The following LHCGR variants were observed in gnomAD, a reference collection of about 807,000 sequenced individuals.
LHCGR encodes the protein lutropin-choriogonadotropic hormone receptor.
A neutral mutation model predicts 60.7 loss-of-function variants in LHCGR; 55 were observed. The observed-to-expected ratio is 0.91, with a 90% CI of 0.73 to 1.13. The LOEUF (loss-of-function observed/expected upper bound fraction) is 1.13. Among genes scored for constraint, LHCGR ranks in the 50% most tolerant of loss-of-function variants. The pLI is 0.00. For missense variants in LHCGR, 862 were observed against 836.0 expected (o/e 1.03, Z -0.38); for synonymous variants, 337 against 316.5 (o/e 1.06, Z -0.69).
chr2:48,709,420 G>T (rs989164602), intron 7 of LHCGR, among the ~76,000 whole-genome samples: 1 of 152,214 alleles, frequency 6.6e-6, no homozygotes, highest in Non-Finnish European at 1.5e-5. Flanking sequence ...CATTGTGACC[G>T]TGGAGGTCTC....
chr2:48,737,579 C>G (rs1669256591), intron 1 of LHCGR, among the ~76,000 whole-genome samples: 1 of 152,166 alleles, frequency 6.6e-6, no homozygotes, highest in Non-Finnish European at 1.5e-5. Context: ...TTTGAGCTGT[C>G]AAAGGCATCG....
At chr2:48,749,545 G>A (rs960699002) in intron 1 of LHCGR, among the ~76,000 whole-genome samples, 20 of 151,986 alleles carry the variant, frequency 1.3e-4, no homozygotes, top group Admixed American at 3.9e-4. Context: ...AATTACACAT[G>A]GCCAAGACAA....
chr2:48,731,561 G>C (rs1014133492), intron 1 of LHCGR, among the ~76,000 whole-genome samples: 1 of 152,162 alleles, frequency 6.6e-6, no homozygotes, highest in Non-Finnish European at 1.5e-5. Context: ...AATCTTCGCT[G>C]TCCCACTACT....
Position 48,688,614 on chromosome 2 carries a change from G to A in LHCGR, c.1183C>T (p.Arg395Cys). 2 of 1,614,166 alleles carry A rather than the reference G, an allele frequency of 1.2e-6. No homozygotes were observed. Among genetic ancestry groups the A allele is most frequent in the Non-Finnish European group, 1.7e-6 (2 of 1,180,032 alleles). The change falls in exon 11 of 11, where the codon CGT becomes TGT. Residue 395 changes from arginine (R) to cysteine (C), a missense_variant. Transcript: ENST00000294954. This position sits in a 1 kb window ranked among gnomAD's most constrained non-coding sequence, Gnocchi z 5.2. Reference protein sequence around the residue: ...LTSRYKLTVPRFLMCNLSFAD... With the variant: ...LTSRYKLTVPCFLMCNLSFAD... ...AAGGAGAGATTGCACATGAGAAAAC[G>A]AGGCACTGTAAGTTTGTAACGACTT... is the stretch of plus-strand genomic sequence containing the variant.
chr2:48,753,731 G>A (rs1424142484), intron 1 of LHCGR, among the ~76,000 whole-genome samples: 1 of 152,130 alleles, frequency 6.6e-6, no homozygotes, highest in East Asian at 1.9e-4. Flanking sequence ...GAATTGAAAA[G>A]GAACTGGGAC....
chr2:48,731,533 T>G (rs1000479524), intron 1 of LHCGR, among the ~76,000 whole-genome samples: 10 of 152,174 alleles, frequency 6.6e-5, no homozygotes, highest in Non-Finnish European at 1.5e-4. Context: ...ACGTTGAGAT[T>G]AGGCATACCT....
chr2:48,751,993 T>C (rs908771653), intron 1 of LHCGR, among the ~76,000 whole-genome samples: 5 of 152,224 alleles, frequency 3.3e-5, no homozygotes, highest in African/African-American at 4.8e-5. Context: ...TATATAGCCA[T>C]GGGCAAGGTG....
intron 6 of LHCGR, among the ~76,000 whole-genome samples, chr2:48,719,412 G>C (rs940194995): frequency 6.6e-6 from 1 of 152,136 alleles, no homozygotes; most frequent in Non-Finnish European, 1.5e-5. Context: ...TGCCTTTCCA[G>C]ACATCACTTC....
chr2:48,740,034 G>A (rs191003491), intron 1 of LHCGR, among the ~76,000 whole-genome samples: 83 of 152,320 alleles, frequency 5.4e-4, no homozygotes, highest in African/African-American at 1.2e-3. Flanking sequence ...CTCGGGAAGC[G>A]CGAGGGGTCA....
intron 1 of LHCGR, among the ~76,000 whole-genome samples, chr2:48,748,641 A>G (rs1669813548): frequency 6.6e-6 from 1 of 152,198 alleles, no homozygotes; most frequent in African/African-American, 2.4e-5. Context: ...TTACTGTTCA[A>G]CCTCACATAT....
intron 8 of LHCGR, among the ~76,000 whole-genome samples, chr2:48,699,374 C>T (rs1199340569): frequency 1.3e-5 from 2 of 152,042 alleles, no homozygotes; most frequent in African/African-American, 4.8e-5. Context: ...TCCCCTCTTC[C>T]AACTCCTTTT....
chr2:48,743,694 C>A (rs1246037448), intron 1 of LHCGR, among the ~76,000 whole-genome samples: 2 of 152,120 alleles, frequency 1.3e-5, no homozygotes, highest in African/African-American at 4.8e-5. Flanking sequence ...GGACGTATCT[C>A]AAAATAATAA....
intron 1 of LHCGR, among the ~76,000 whole-genome samples, chr2:48,754,792 A>G (rs952952057): frequency 2.6e-5 from 4 of 152,174 alleles, no homozygotes; most frequent in Non-Finnish European, 5.9e-5. Context: ...GTCTAGTACT[A>G]AAGGCTCCCC....
chr2:48,714,289 C>T lies in LHCGR; in HGVS notation c.537-235G>A, dbSNP rs4953616. Among the ~76,000 whole-genome samples the T allele has an allele frequency of 0.7, 105,872 of 151,978 alleles. 37,162 individuals carry two copies. The highest frequency in any genetic ancestry group is 0.77 in the East Asian group (4,002 of 5,182). On this transcript the variant is annotated intron_variant, in intron 6 of 10. Coordinates refer to ENST00000294954, the MANE Select transcript of LHCGR (RefSeq NM_000233.4). ...ATCCTCATCATCATTTCCATTATAC[C>T]GACAAGAAGCCTAACCCTCAGTGTG... is the stretch of plus-strand genomic sequence containing the variant.
chr2:48,739,556 A>C (rs1029127960), intron 1 of LHCGR, among the ~76,000 whole-genome samples: 1 of 152,132 alleles, frequency 6.6e-6, no homozygotes, highest in Non-Finnish European at 1.5e-5. Flanking sequence ...GCAAACTATC[A>C]CAAGGACAAA....
At chr2:48,726,342 C>A (rs1194024970) in intron 3 of LHCGR, among the ~76,000 whole-genome samples, 1 of 152,204 alleles carries the variant, frequency 6.6e-6, no homozygotes, top group Non-Finnish European at 1.5e-5. Context: ...GCTAGTGTCT[C>A]TTCTGTAAAA....
At chr2:48,708,330 C>A (rs1258043537) in intron 8 of LHCGR, among the ~76,000 whole-genome samples, 1 of 152,132 alleles carries the variant, frequency 6.6e-6, no homozygotes, top group Non-Finnish European at 1.5e-5. Flanking sequence ...GGTAGCCAGC[C>A]TCTTTGCCAG....
Position 48,688,062 on chromosome 2 carries a change from A to C in LHCGR, c.1735T>G (p.Phe579Val). Residue 579 changes from phenylalanine to valine, a missense_variant, in exon 11 of 11, where the codon TTC becomes GTC. Transcript: ENST00000294954. This position sits in a 1 kb window ranked among gnomAD's most constrained non-coding sequence, Gnocchi z 5.2. ...KKMAILIFTD[F>V]TCMAPISFFA... Reference sequence around the variant, plus strand: ...AAAGAGATAGGTGCCATGCAGGTGAAATCGGTGAAGATGAGGATTGCCATT... The same window carrying C: ...AAAGAGATAGGTGCCATGCAGGTGACATCGGTGAAGATGAGGATTGCCATT... 1 of 1,614,166 alleles carries C rather than the reference A, an allele frequency of 6.2e-7. No homozygotes were observed.
intron 3 of LHCGR, 99 bp downstream of exon 3, chr2:48,729,054 G>T (rs1668868718): frequency 3.1e-6 from 3 of 961,880 alleles, no homozygotes; most frequent in Non-Finnish European, 3.4e-6. Flanking sequence ...TTTCCTTTTG[G>T]ATTCCTAGCA....
Sources: gnomAD v4.1 joint callset for allele counts (sites outside exome capture counted in the v4.1 genomes callset) on GRCh38, gnomAD v4.1.1 for gene constraint, Gnocchi (gnomAD v3.1) non-coding constraint, MANE v1.5 for transcripts, NCBI Gene and HGNC (gene_info 2026-07-23, HGNC 2026-07-21) for gene names.